Variants in ITGBL1 observed in about 807,000 individuals in gnomAD.
The protein encoded by ITGBL1 is integrin subunit beta like 1, also known as integrin beta-like protein 1.
Under a neutral mutation model 68.5 loss-of-function variants are expected in ITGBL1, and 51 were observed. That is an observed-to-expected ratio of 0.74 (90% confidence interval 0.59 to 0.94). The LOEUF is 0.94. Among genes scored for constraint, ITGBL1 ranks in the 40% least tolerant of loss-of-function variants. ITGBL1 has a pLI of 0.00. For synonymous variants in ITGBL1, 209 were observed against 227.3 expected, an observed-to-expected ratio of 0.92 and a Z score of 0.72; for missense variants, 649 against 647.4, an observed-to-expected ratio of 1.00 and a Z score of -0.03.
At chr13:101,587,908 A>G (rs140675194) in intron 6 of ITGBL1, among the ~76,000 whole-genome samples, 21 of 152,342 alleles carry the variant, frequency 1.4e-4, no homozygotes, top group Admixed American at 5.9e-4. Flanking sequence ...GATGGTCTTC[A>G]TGTTACTTTG....
intron 2 of ITGBL1, among the ~76,000 whole-genome samples, chr13:101,461,144 A>C (rs2048312144): frequency 6.6e-6 from 1 of 152,234 alleles, no homozygotes; most frequent in Non-Finnish European, 1.5e-5. Context: ...GTTTCCCCAG[A>C]ATGAGAAAGG....
At chr13:101,532,229 A>G (rs1012965429) in intron 2 of ITGBL1, among the ~76,000 whole-genome samples, 1 of 152,212 alleles carries the variant, frequency 6.6e-6, no homozygotes, top group African/African-American at 2.4e-5. Flanking sequence ...AAAGAAGTAC[A>G]CAAAATCATT....
chr13:101,669,088 C>T (rs1385711755), intron 7 of ITGBL1, among the ~76,000 whole-genome samples: 2 of 150,440 alleles, frequency 1.3e-5, no homozygotes, highest in East Asian at 3.9e-4. Flanking sequence ...GTAAGTTGTA[C>T]AAGGAAGTAA....
downstream of ITGBL1, chr13:101,717,022 C>CT (rs905252467): frequency 6.6e-6 from 1 of 151,780 alleles, no homozygotes; most frequent in Non-Finnish European, 1.5e-5. Flanking sequence ...AAAAAAACCA[C>CT]TTTTTTTCTA....
At chr13:101,681,215 A>C (rs1397492361) in intron 7 of ITGBL1, among the ~76,000 whole-genome samples, 1 of 152,154 alleles carries the variant, frequency 6.6e-6, no homozygotes, top group Non-Finnish European at 1.5e-5. Flanking sequence ...GAAGGAAGTT[A>C]GTATTCTTCA....
At chr13:101,531,234 T>C (rs565662614) in intron 2 of ITGBL1, among the ~76,000 whole-genome samples, 2 of 152,206 alleles carry the variant, frequency 1.3e-5, no homozygotes, top group East Asian at 1.9e-4. Flanking sequence ...CTAAAAGTTA[T>C]GGAATACAAA....
In ITGBL1 at chr13:101,715,540, T is replaced by C. The variant is rs184041771; in HGVS notation, c.1394-23T>C. 2.9e-3 allele frequency: 4,374 copies of C among 1,512,652 alleles called. 70 individuals are homozygous for C. In the Admixed American group the frequency reaches 0.031, roughly 11 times the overall value. 93.7% of individuals were successfully genotyped at this position (1,512,652 alleles called of 1,614,324 possible). ...TGGCACATTTTGATCATAATCATGATACCTATATGTATTTTATTGCAGGGA... is the reference window on the plus strand; with the variant it reads ...TGGCACATTTTGATCATAATCATGACACCTATATGTATTTTATTGCAGGGA... On this transcript the variant is annotated intron_variant, in intron 10 of 10. Coordinates refer to ENST00000376180, the MANE Select transcript of ITGBL1 (RefSeq NM_004791.3).
chr13:101,463,441 C>T (rs2048342940), intron 2 of ITGBL1, among the ~76,000 whole-genome samples: 1 of 152,136 alleles, frequency 6.6e-6, no homozygotes, highest in Admixed American at 6.6e-5. Context: ...CAGAACCTGC[C>T]TTTTGTGTTC....
chr13:101,528,894 A>C (rs1243564075), intron 2 of ITGBL1, among the ~76,000 whole-genome samples: 1 of 152,038 alleles, frequency 6.6e-6, no homozygotes, highest in Admixed American at 6.6e-5. Context: ...CCTAGAGGTA[A>C]TAAAAACTAG....
intron 7 of ITGBL1, among the ~76,000 whole-genome samples, chr13:101,660,701 A>C (rs1221961215): frequency 6.6e-6 from 1 of 152,296 alleles, no homozygotes; most frequent in East Asian, 1.9e-4. Flanking sequence ...GCCCATGCCC[A>C]AAAATGTGCG....
intron 6 of ITGBL1, among the ~76,000 whole-genome samples, chr13:101,593,197 A>T (rs1392709569): frequency 1.3e-5 from 2 of 152,198 alleles, no homozygotes; most frequent in East Asian, 3.9e-4. Context: ...TCAACTCCAC[A>T]GTGAGATACC....
intron 7 of ITGBL1, among the ~76,000 whole-genome samples, chr13:101,680,084 C>T (rs2033605737): frequency 6.6e-6 from 1 of 152,136 alleles, no homozygotes; most frequent in Admixed American, 6.6e-5. Flanking sequence ...GTTTTACTGG[C>T]TGTTTTGAAA....
chr13:101,601,633 G>T (rs1210718077), intron 7 of ITGBL1, among the ~76,000 whole-genome samples: 3 of 152,062 alleles, frequency 2.0e-5, no homozygotes, highest in African/African-American at 4.8e-5. Context: ...CTGGTATGTT[G>T]TGTCTTTGTT....
chr13:101,598,947 G>A (rs4772395), intron 7 of ITGBL1, among the ~76,000 whole-genome samples: 151,414 of 152,276 alleles, frequency 0.99, 75,279 homozygotes, highest in Middle Eastern at 1. Context: ...CTGGGTATAT[G>A]CCCAGTAATG....
At chr13:101,509,020 T>G (rs1474986727) in intron 2 of ITGBL1, among the ~76,000 whole-genome samples, 1 of 152,098 alleles carries the variant, frequency 6.6e-6, no homozygotes, top group African/African-American at 2.4e-5. Flanking sequence ...AGCTTTCATA[T>G]CTGTCATATT....
At chr13:101,476,822 A>C (rs2048543765) in intron 2 of ITGBL1, among the ~76,000 whole-genome samples, 1 of 152,142 alleles carries the variant, frequency 6.6e-6, no homozygotes, top group Non-Finnish European at 1.5e-5. Flanking sequence ...ATATACACCC[A>C]AAACTGGAGC....
intron 6 of ITGBL1, among the ~76,000 whole-genome samples, chr13:101,596,055 GTA>G (rs35790423): frequency 0.99 from 150,262 of 151,644 alleles, 74,447 homozygotes; most frequent in Middle Eastern, 1. Context: ...GTGTGTGTGT[GTA>G]TATATATATA....
intron 6 of ITGBL1, among the ~76,000 whole-genome samples, chr13:101,596,041 A>G (rs1453993911): frequency 5.6e-5 from 2 of 36,026 alleles, no homozygotes; most frequent in Admixed American, 8.2e-4. Flanking sequence ...ATATATTTAC[A>G]TATGTGTGTG....
chr13:101,622,913 G>GTA (rs200556723), intron 7 of ITGBL1, among the ~76,000 whole-genome samples: 1 of 134,738 alleles, frequency 7.4e-6, no homozygotes. Context: ...TGTGGGGTAT[G>GTA]TATGTGTGTG....
Sources: allele counts gnomAD v4.1 joint callset (sites outside exome capture counted in the v4.1 genomes callset), GRCh38; gene constraint gnomAD v4.1.1; transcripts MANE v1.5; gene names NCBI Gene and HGNC (gene_info 2026-07-23, HGNC 2026-07-21).